The following LIPC variants were observed in gnomAD, a reference collection of about 807,000 sequenced individuals.
LIPC encodes the protein lipase C, hepatic type, also known as hepatic triacylglycerol lipase.
LIPC carries 44 observed loss-of-function variants against 50.7 expected under a neutral mutation model. That is an observed-to-expected ratio of 0.87 (90% CI 0.68 to 1.11). The LOEUF is 1.11. LIPC is among the 50% of genes most tolerant of loss of function. LIPC has a pLI of 0.00. For synonymous variants in LIPC, 271 were observed against 256.4 expected, an observed-to-expected ratio of 1.06 and a Z score of -0.54; for missense variants, 697 against 648.2, an observed-to-expected ratio of 1.08 and a Z score of -0.82.
chr15:58,436,972 T>C (rs766947283), intron 1 of LIPC: 4 of 417,580 alleles, frequency 9.6e-6, no homozygotes, highest in Non-Finnish European at 1.9e-5. Flanking sequence ...CTTGTTAAAC[T>C]GCAACAAACT....
chr15:58,469,933 A>T (rs1445462708), intron 1 of LIPC, among the ~76,000 whole-genome samples: 5 of 138,360 alleles, frequency 3.6e-5, no homozygotes, highest in Non-Finnish European at 7.7e-5. Context: ...TCTTCATGGA[A>T]TTTTTTTTTT....
rs775091229 is a variant in LIPC at position 58,538,569 on chromosome 15, T to C, written c.273+52T>C. On this transcript the variant is annotated intron_variant, in intron 2 of 8. Transcript: ENST00000299022. The stretch of plus-strand genomic sequence containing the variant: ...CTCTCCGATTTCACATTTTCTTTTT[T>C]TCTTTCTAGCGTGTTCATGTTCATA... 23 of 1,560,948 alleles carry C rather than the reference T, an allele frequency of 1.5e-5. No individual in the cohort carries two copies. In the Admixed American group the frequency reaches 3.3e-4, roughly 23 times the overall value.
chr15:58,551,038 C>A (rs78861621), intron 6 of LIPC, among the ~76,000 whole-genome samples: 1 of 112,076 alleles, frequency 8.9e-6, no homozygotes, highest in Non-Finnish European at 2.0e-5. Context: ...GGTTTCGCCA[C>A]GTTGGCCAGG....
intron 1 of LIPC, among the ~76,000 whole-genome samples, chr15:58,479,747 C>G (rs750162151): frequency 6.6e-6 from 1 of 152,228 alleles, no homozygotes; most frequent in Non-Finnish European, 1.5e-5. Context: ...CCCAATTCAT[C>G]TTTCATAGAC....
At chr15:58,510,325 T>C (rs1404703808) in intron 1 of LIPC, among the ~76,000 whole-genome samples, 1 of 152,260 alleles carries the variant, frequency 6.6e-6, no homozygotes, top group African/African-American at 2.4e-5. Flanking sequence ...CTGCCATCGC[T>C]TCAGTTGACT....
At chr15:58,562,209 G>A (rs36017602) in intron 7 of LIPC, among the ~76,000 whole-genome samples, 23,730 of 152,038 alleles carry the variant, frequency 0.16, 2,095 homozygotes, top group South Asian at 0.34. Flanking sequence ...ACCCAAGCCC[G>A]AACCCTCACG....
chr15:58,534,035 G>C (rs80051335), intron 1 of LIPC, among the ~76,000 whole-genome samples: 7,736 of 152,254 alleles, frequency 0.051, 420 homozygotes, highest in East Asian at 0.28. Context: ...TGGTGACCCA[G>C]TAGAGAGGCA....
At chr15:58,496,089 G>C (rs563998574) in intron 1 of LIPC, among the ~76,000 whole-genome samples, 1 of 152,130 alleles carries the variant, frequency 6.6e-6, no homozygotes, top group Admixed American at 6.5e-5. Context: ...TCCCTATCAC[G>C]AGTTGGATCT....
In LIPC at chr15:58,432,228, A is replaced by G; in HGVS notation, c.88+108A>G. Reference sequence around the variant, plus strand: ...CTGTATGGGACAGAGCTTGCTTCAGAGCGTGCCAGGTGGTTCTATACACGA... The same window carrying G: ...CTGTATGGGACAGAGCTTGCTTCAGGGCGTGCCAGGTGGTTCTATACACGA... On this transcript the variant is annotated intron_variant, in intron 1 of 8. Transcript: ENST00000299022. 4 of 861,566 alleles carry G rather than the reference A, an allele frequency of 4.6e-6. No homozygotes were observed. The South Asian group carries it at 5.4e-5, about 12-fold the overall frequency. 53.4% of individuals were successfully genotyped at this position (861,566 alleles called of 1,614,324 possible). A position where few individuals can be genotyped will look rare whatever the true frequency, so the allele number is the denominator to read the frequency against.
At position 58,448,834 on chromosome 15, in the gene LIPC, A is replaced by C. The variant is rs763676977; in HGVS notation, c.88+16714A>C. Among the ~76,000 whole-genome samples the C allele has an allele frequency of 1.0e-3, 154 of 152,408 alleles. 2 individuals carry two copies. Among genetic ancestry groups the C allele is most frequent in the African/African-American group, 3.4e-3 (143 of 41,608 alleles). Reference sequence around the variant, plus strand: ...CTCAGCAGAGTGGCAAGTAGTAACTAAACGGTAACTAAAATACCTTTTTCA... The same window carrying C: ...CTCAGCAGAGTGGCAAGTAGTAACTCAACGGTAACTAAAATACCTTTTTCA... On this transcript the variant is annotated intron_variant, in intron 1 of 8. Coordinates refer to ENST00000299022, the MANE Select transcript of LIPC (RefSeq NM_000236.3).
At chr15:58,484,683 C>G (rs1891306689) in intron 1 of LIPC, among the ~76,000 whole-genome samples, 1 of 152,216 alleles carries the variant, frequency 6.6e-6, no homozygotes, top group Non-Finnish European at 1.5e-5. Context: ...CCCTGGAGCC[C>G]ACACACTCTG....
intron 1 of LIPC, among the ~76,000 whole-genome samples, chr15:58,447,124 G>C (rs368926372): frequency 7.7e-6 from 1 of 130,470 alleles, no homozygotes; most frequent in African/African-American, 3.0e-5. Flanking sequence ...ACCCAGCCTG[G>C]ACAACAGAGC....
At chr15:58,542,370 G>T (rs995624553) in intron 3 of LIPC, among the ~76,000 whole-genome samples, 164 bp from the exon 4 acceptor site, 7 of 152,198 alleles carry the variant, frequency 4.6e-5, no homozygotes, top group African/African-American at 1.7e-4. Context: ...TGAGTCCCAG[G>T]AGAGTCAGCC....
At chr15:58,536,622 T>C (rs1893132331) in intron 1 of LIPC, among the ~76,000 whole-genome samples, 1 of 152,082 alleles carries the variant, frequency 6.6e-6, no homozygotes, top group African/African-American at 2.4e-5. Context: ...GGGCAGCCAG[T>C]GAAATCAGCA....
At chr15:58,554,036 T>C (rs1455796235) in intron 6 of LIPC, among the ~76,000 whole-genome samples, 11 of 151,172 alleles carry the variant, frequency 7.3e-5, no homozygotes, top group African/African-American at 2.7e-4. Context: ...GCAAAGAGAG[T>C]CATAATATCT....
intron 1 of LIPC, among the ~76,000 whole-genome samples, chr15:58,499,235 C>A (rs536725514): frequency 6.6e-6 from 1 of 152,326 alleles, no homozygotes; most frequent in East Asian, 1.9e-4. Flanking sequence ...TACTTTGTCG[C>A]CTGCCTCTAA....
chr15:58,481,340 T>C (rs913632791), intron 1 of LIPC, among the ~76,000 whole-genome samples: 8 of 152,230 alleles, frequency 5.3e-5, no homozygotes, highest in African/African-American at 1.2e-4. Context: ...ATTGCACTTA[T>C]AAATGTTTAT....
chr15:58,445,480 A>C (rs1893662566), intron 1 of LIPC, among the ~76,000 whole-genome samples: 1 of 152,158 alleles, frequency 6.6e-6, no homozygotes, highest in Non-Finnish European at 1.5e-5. Context: ...GGTCAAGCCC[A>C]AATTAGAAGG....
At chr15:58,564,891 C>T (rs759297396) in intron 8 of LIPC, among the ~76,000 whole-genome samples, 43 of 152,298 alleles carry the variant, frequency 2.8e-4, no homozygotes, top group Admixed American at 1.0e-3. Context: ...CCCGGGCCCT[C>T]TCCTCTCTCT....
Sources: gnomAD v4.1 joint callset for allele counts (sites outside exome capture counted in the v4.1 genomes callset) on GRCh38, gnomAD v4.1.1 for gene constraint, MANE v1.5 for transcripts, NCBI Gene and HGNC (gene_info 2026-07-23, HGNC 2026-07-21) for gene names.